The following AFF3 variants were observed in gnomAD, a reference collection of about 807,000 sequenced individuals.
AFF3 encodes AF4/FMR2 family member 3.
A neutral mutation model predicts 129.7 loss-of-function variants in AFF3; 32 were observed. The ratio of observed to expected loss-of-function variants is 0.25; its 90% CI spans 0.19 to 0.33. The LOEUF is 0.33. AFF3 is among the 10% of genes least tolerant of loss of function. The pLI is 1.00. For synonymous variants in AFF3, 644 were observed against 635.4 expected (o/e 1.01, Z -0.20); for missense variants, 1,373 against 1,592.0 (o/e 0.86, Z 2.34).
intron 4 of AFF3, among the ~76,000 whole-genome samples, chr2:100,060,127 G>A (rs776926841): frequency 1.3e-4 from 20 of 152,182 alleles, no homozygotes; most frequent in African/African-American, 2.7e-4. Flanking sequence ...CCCAGCCTCC[G>A]AGAACAGGTA....
intron 9 of AFF3, among the ~76,000 whole-genome samples, chr2:99,746,853 A>G (rs1001608671): frequency 6.6e-6 from 1 of 151,956 alleles, no homozygotes; most frequent in African/African-American, 2.4e-5. Flanking sequence ...CTGTCTGTAG[A>G]TCTGGGCCAT....
At chr2:99,683,034 G>A (rs1170597655) in intron 11 of AFF3, among the ~76,000 whole-genome samples, 1 of 152,126 alleles carries the variant, frequency 6.6e-6, no homozygotes, top group Admixed American at 6.5e-5. Context: ...CCCTTCCCTG[G>A]CCCTCCTGAT....
At chr2:100,008,463 A>C (rs1249896011) in intron 5 of AFF3, among the ~76,000 whole-genome samples, 1 of 152,206 alleles carries the variant, frequency 6.6e-6, no homozygotes, top group Non-Finnish European at 1.5e-5. Context: ...ACCTCCTTCT[A>C]ATAGTGTTTG....
intron 7 of AFF3, among the ~76,000 whole-genome samples, chr2:99,912,974 C>T (rs777635001): frequency 1.2e-4 from 19 of 152,252 alleles, no homozygotes; most frequent in South Asian, 6.2e-4. Flanking sequence ...CCTCCATCTG[C>T]GCCCCAACAC....
At chr2:99,943,641 C>T (rs1675272939) in intron 7 of AFF3, among the ~76,000 whole-genome samples, 1 of 152,178 alleles carries the variant, frequency 6.6e-6, no homozygotes, top group Admixed American at 6.5e-5. Context: ...TCTATCCTTT[C>T]ATAGATTCAC....
At chr2:100,137,081 T>C (rs529691103) in intron 1 of AFF3, among the ~76,000 whole-genome samples, 23 of 152,372 alleles carry the variant, frequency 1.5e-4, no homozygotes, top group African/African-American at 5.5e-4. Flanking sequence ...ATTATTTTAC[T>C]GCTGATACAA....
chr2:99,554,456 G>A lies in AFF3; in HGVS notation c.3414C>T (p.Asn1138=), dbSNP rs780887781. 19 of 1,614,108 alleles carry A rather than the reference G, an allele frequency of 1.2e-5. No individual in the cohort carries two copies. The highest frequency in any genetic ancestry group is 1.3e-5 in the African/African-American group (1 of 75,052). The change falls in exon 24 of 25, where the codon AAC becomes AAT. Residue 1138 remains asparagine (N), a synonymous_variant. Transcript: ENST00000672756. ...TGGTCGACGGGGACAGGGCGCTGGCGTTGGAGAGGCTGCCCTGAGACCCCA... is the reference window on the plus strand; with the variant it reads ...TGGTCGACGGGGACAGGGCGCTGGCATTGGAGAGGCTGCCCTGAGACCCCA... ...SSVGSQGSLS[N]ASALSPSTIV... is the part of the protein sequence containing the mutation.
At chr2:99,620,041 T>C (rs1381077148) in intron 13 of AFF3, among the ~76,000 whole-genome samples, 1 of 152,106 alleles carries the variant, frequency 6.6e-6, no homozygotes, top group African/African-American at 2.4e-5. Context: ...CAATCAATGG[T>C]GTCTCCCTCA....
intron 11 of AFF3, among the ~76,000 whole-genome samples, chr2:99,711,334 C>T (rs1364891387): frequency 6.6e-6 from 1 of 152,116 alleles, no homozygotes; most frequent in Non-Finnish European, 1.5e-5. Context: ...TCGTTTTTCT[C>T]TTCTGTAATA....
chr2:100,093,621 A>T (rs1690046449), intron 4 of AFF3, among the ~76,000 whole-genome samples: 2 of 152,054 alleles, frequency 1.3e-5, no homozygotes, highest in South Asian at 4.2e-4. Context: ...GGTTCTCAAA[A>T]GCAGCTATGC....
chr2:99,576,096 C>G (rs970209058), intron 18 of AFF3, among the ~76,000 whole-genome samples: 1 of 151,294 alleles, frequency 6.6e-6, no homozygotes, highest in Non-Finnish European at 1.5e-5. Flanking sequence ...AGTGGTAGCA[C>G]GATCTCAGCT....
At chr2:100,075,615 CA>C (rs879287838) in intron 4 of AFF3, among the ~76,000 whole-genome samples, 2 of 151,524 alleles carry the variant, frequency 1.3e-5, no homozygotes, top group African/African-American at 2.4e-5. Flanking sequence ...CAACAGTGGC[CA>C]AAAAAACTGT....
chr2:99,949,963 T>C (rs1275277702), intron 7 of AFF3, among the ~76,000 whole-genome samples: 1 of 152,218 alleles, frequency 6.6e-6, no homozygotes, highest in Non-Finnish European at 1.5e-5. Flanking sequence ...AATAATGGAA[T>C]AAAATGTCTT....
chr2:100,134,654 T>A (rs1692559143), intron 1 of AFF3, among the ~76,000 whole-genome samples: 1 of 152,212 alleles, frequency 6.6e-6, no homozygotes, highest in South Asian at 2.1e-4. Context: ...CTTTTAGAAT[T>A]TATTTTGATT....
At chr2:99,682,019 A>C (rs1674580302) in intron 11 of AFF3, among the ~76,000 whole-genome samples, 1 of 150,022 alleles carries the variant, frequency 6.7e-6, no homozygotes, top group Admixed American at 6.7e-5. Flanking sequence ...AATGCTCCCT[A>C]CCTCAGCCTC....
chr2:99,837,691 G>A lies in AFF3; in HGVS notation c.874-167C>T, dbSNP rs547578073. Among the ~76,000 whole-genome samples the A allele has an allele frequency of 1.0e-3, 157 of 152,096 alleles. 1 individual carries two copies. Among genetic ancestry groups the A allele is most frequent in the African/African-American group, 3.7e-3 (155 of 41,478 alleles). On this transcript the variant is annotated intron_variant, in intron 7 of 24. Coordinates refer to ENST00000672756, the MANE Select transcript of AFF3 (RefSeq NM_001386135.1). ...AGACAGGCTCCTTTCCCTAACAGCC[G>A]GCTCCCATTGTGGCTGCTGCTCCCC...
intron 7 of AFF3, among the ~76,000 whole-genome samples, chr2:99,995,385 T>A (rs1680744113): frequency 6.6e-6 from 1 of 152,118 alleles, no homozygotes; most frequent in African/African-American, 2.4e-5. Context: ...ATTCCTTTTT[T>A]TTTTTGAGAC....
At chr2:99,798,664 T>C (rs1480870410) in intron 8 of AFF3, among the ~76,000 whole-genome samples, 1 of 152,012 alleles carries the variant, frequency 6.6e-6, no homozygotes, top group African/African-American at 2.4e-5. Context: ...GAATTGGCTA[T>C]ATTAATATTA....
At chr2:99,876,019 T>C (rs963158885) in intron 7 of AFF3, among the ~76,000 whole-genome samples, 1 of 152,144 alleles carries the variant, frequency 6.6e-6, no homozygotes, top group Non-Finnish European at 1.5e-5. Context: ...CAGGCTTCTA[T>C]GGCACTGGCG....
Sources: gnomAD v4.1 joint callset for allele counts (sites outside exome capture counted in the v4.1 genomes callset) on GRCh38, gnomAD v4.1.1 for gene constraint, MANE v1.5 for transcripts, NCBI Gene and HGNC (gene_info 2026-07-23, HGNC 2026-07-21) for gene names.